HOXC10: variants seen among roughly 807,000 people sequenced by gnomAD.
HOXC10 encodes the protein homeobox protein Hox-C10.
A neutral mutation model predicts 26.0 loss-of-function variants in HOXC10; 15 were observed. The ratio of observed to expected loss-of-function variants is 0.58; its 90% CI spans 0.39 to 0.89. The LOEUF is 0.89. Among genes scored for constraint, HOXC10 ranks in the 40% least tolerant of loss-of-function variants. The pLI is 0.00. For missense variants in HOXC10, 446 were observed against 451.9 expected (o/e 0.99, Z 0.12); for synonymous variants, 196 against 185.5 (o/e 1.06, Z -0.46).
intron 1 of HOXC10, among the ~76,000 whole-genome samples, chr12:53,988,691 C>CA (rs552262577): frequency 1.1e-4 from 17 of 152,256 alleles, no homozygotes; most frequent in Non-Finnish European, 2.5e-4. Flanking sequence ...GATCCTGGAA[C>CA]AAAGTCCCTC....
Position 53,989,369 on chromosome 12 carries a change from A to G in HOXC10, c.952A>G (p.Asn318Asp). 4 of 1,614,150 alleles carry G rather than the reference A, an allele frequency of 2.5e-6. No individual in the cohort carries two copies. Among genetic ancestry groups the G allele is most frequent in the Non-Finnish European group, 3.4e-6 (4 of 1,180,030 alleles). ...CAGACAAGTCAAAATCTGGTTTCAA[A>G]ATCGCAGAATGAAACTCAAGAAAAT... ...TDRQVKIWFQ[N>D]RRMKLKKMNR... Residue 318 changes from asparagine to aspartate, a missense_variant, in exon 2 of 2, where the codon AAT (asparagine) becomes GAT (aspartate). Coordinates refer to ENST00000303460, the MANE Select transcript of HOXC10 (RefSeq NM_017409.4).
At chr12:53,986,942 G>A (rs1177679182) in intron 1 of HOXC10, among the ~76,000 whole-genome samples, 1 of 152,172 alleles carries the variant, frequency 6.6e-6, no homozygotes, top group Non-Finnish European at 1.5e-5. Context: ...GGGGCCTTCG[G>A]GATCTTTCTC....
intron 1 of HOXC10, among the ~76,000 whole-genome samples, chr12:53,987,529 G>A (rs149142076): frequency 6.6e-6 from 1 of 152,304 alleles, no homozygotes; most frequent in Non-Finnish European, 1.5e-5. Context: ...AGCTTGGTTA[G>A]GGAGCAGATT....
rs948020293 is a variant in HOXC10 at position 53,985,234 on chromosome 12, C to T, written c.-26C>T. The T allele has an allele frequency of 7.6e-6, 10 of 1,319,126 alleles. No homozygotes were observed. Among genetic ancestry groups the T allele is most frequent in the African/African-American group, 3.1e-5 (2 of 64,464 alleles). 81.7% of individuals were successfully genotyped at this position (1,319,126 alleles called of 1,614,324 possible). On this transcript the variant is annotated 5_prime_UTR_variant, in exon 1 of 2. Transcript: ENST00000303460. ...TGTCAGCTCCTCCGCTGTAGTATTG[C>T]TCCTTAAAAACCCCTCTCTCTGAAA...
rs1939485021 is a variant in HOXC10, at chr12:53,989,500, C to T, written c.*54C>T. On this transcript the variant is annotated 3_prime_UTR_variant, in exon 2 of 2. Coordinates refer to ENST00000303460, the MANE Select transcript of HOXC10 (RefSeq NM_017409.4). ...CTCCTTCCTCTCCCCGCCCCTCCTC[C>T]CTTTGTGCCTGGTGATATATTTTTT... The T allele has an allele frequency of 5.9e-6, 9 of 1,527,324 alleles. No homozygotes were observed. In the East Asian group the frequency reaches 2.1e-4, roughly 35 times the overall value. The allele number at this position is 1,527,324 out of a possible 1,614,324, so 94.6% of individuals were successfully genotyped here.
chr12:53,985,639 C>A lies in HOXC10; in HGVS notation c.380C>A (p.Ala127Asp), dbSNP rs1369642491. The A allele has an allele frequency of 6.2e-7, 1 of 1,613,730 alleles. No individual in the cohort carries two copies. The highest frequency in any genetic ancestry group is 1.7e-5 in the Admixed American group (1 of 60,036). Residue 127 changes from alanine to aspartate, a missense_variant, in exon 1 of 2, where the codon GCT (alanine) becomes GAT (aspartate). Coordinates refer to ENST00000303460, the MANE Select transcript of HOXC10 (RefSeq NM_017409.4). ...CGGGCGAAAAGTGGCCCCGAGGCAGCTCTCTACTCCCACCCCTTGCCGGAG... is the reference window on the plus strand; with the variant it reads ...CGGGCGAAAAGTGGCCCCGAGGCAGATCTCTACTCCCACCCCTTGCCGGAG... Reference protein sequence around the residue: ...EKRAKSGPEAALYSHPLPESC... With the variant: ...EKRAKSGPEADLYSHPLPESC...
rs750436134 is a variant in HOXC10 at position 53,989,453 on chromosome 12, G to A, written c.*7G>A. On this transcript the variant is annotated 3_prime_UTR_variant, in exon 2 of 2. Coordinates refer to ENST00000303460, the MANE Select transcript of HOXC10 (RefSeq NM_017409.4). Reference sequence around the variant, plus strand: ...CAATTTTAATTTCACCTGAGAGCGCGGCCTCTCCTCCTCCCTTCCCGCTCC... The same window carrying A: ...CAATTTTAATTTCACCTGAGAGCGCAGCCTCTCCTCCTCCCTTCCCGCTCC... The A allele has an allele frequency of 1.2e-5, 19 of 1,608,206 alleles. No homozygotes were observed. The highest frequency in any genetic ancestry group is 1.7e-4 in the Middle Eastern group (1 of 6,044).
Position 53,985,197 on chromosome 12 carries a change from G to GAA in HOXC10, c.-55_-54dup. On this transcript the variant is annotated 5_prime_UTR_variant, in exon 1 of 2. The change creates a premature stop within an existing upstream ORF in the 5' untranslated region. Coordinates refer to ENST00000303460, the MANE Select transcript of HOXC10 (RefSeq NM_017409.4). ...AACCGCGCCCCCCCTCCCGGATGGG[G>GAA]AAAAAAAAAGATGTCAGCTCCTCCG... is the stretch of plus-strand genomic sequence containing the variant. 7.8e-7 allele frequency: 1 copy of GAA among 1,280,390 alleles called. No homozygotes were observed. Among genetic ancestry groups the GAA allele is most frequent in the Non-Finnish European group, 1.0e-6 (1 of 989,298 alleles). 79.3% of individuals were successfully genotyped at this position (1,280,390 alleles called of 1,614,324 possible).
At chr12:53,986,282 G>C (rs755309792) in intron 1 of HOXC10, 2 of 404,012 alleles carry the variant, frequency 5.0e-6, no homozygotes, top group Non-Finnish European at 8.8e-6. Flanking sequence ...TGCAGGCGCA[G>C]TGTGCTGCAC....
In HOXC10 at chr12:53,985,652, C is replaced by T. The variant is rs776576505; in HGVS notation, c.393C>T (p.His131=). The part of the protein sequence containing the change: ...KSGPEAALYS[H]PLPESCLGEH... Reference sequence around the variant, plus strand: ...GCCCCGAGGCAGCTCTCTACTCCCACCCCTTGCCGGAGTCCTGCCTTGGGG... The same window carrying T: ...GCCCCGAGGCAGCTCTCTACTCCCATCCCTTGCCGGAGTCCTGCCTTGGGG... The change falls in exon 1 of 2, where the codon CAC becomes CAT. Residue 131 remains histidine, a synonymous_variant. Coordinates refer to ENST00000303460, the MANE Select transcript of HOXC10 (RefSeq NM_017409.4). 2 of 1,613,466 alleles carry T rather than the reference C, an allele frequency of 1.2e-6. No individual in the cohort carries two copies. The highest frequency in any genetic ancestry group is 2.7e-5 in the African/African-American group (2 of 74,944).
chr12:53,989,667 T>G lies in HOXC10; in HGVS notation c.*221T>G, dbSNP rs1469709562. ...TGGGGTGCCGGGATGTGGGGTGTGG[T>G]GTGTGCCCTCATAGATGGGGGTGGG... On this transcript the variant is annotated 3_prime_UTR_variant, in exon 2 of 2. Transcript: ENST00000303460. 1.9e-5 allele frequency: 11 copies of G among 577,218 alleles called. No homozygotes were observed. The highest frequency in any genetic ancestry group is 1.1e-4 in the African/African-American group (6 of 53,382). The allele number at this position is 577,218 out of a possible 1,614,324, so 35.8% of individuals were successfully genotyped here.
intron 1 of HOXC10, 76 bp downstream of exon 1, chr12:53,986,086 G>GA: frequency 6.9e-7 from 1 of 1,447,226 alleles, no homozygotes; most frequent in African/African-American, 1.4e-5. Context: ...GGGGGCAGGG[G>GA]AGAGGGTTGG....
rs1592200590 is a variant in HOXC10, at chr12:53,985,190, G to C, written c.-70G>C. ...CCCCTCCAACCGCGCCCCCCCTCCC[G>C]GATGGGGAAAAAAAAAGATGTCAGC... On this transcript the variant is annotated 5_prime_UTR_variant, in exon 1 of 2. Coordinates refer to ENST00000303460, the MANE Select transcript of HOXC10 (RefSeq NM_017409.4). The C allele has an allele frequency of 2.2e-5, 19 of 875,682 alleles. No homozygotes were observed. Among genetic ancestry groups the C allele is most frequent in the South Asian group, 1.3e-4 (3 of 23,528 alleles). The allele number at this position is 875,682 out of a possible 1,614,324, so 54.2% of individuals were successfully genotyped here.
At chr12:53,986,033 C>T (rs1490365851) in intron 1 of HOXC10, 23 bp downstream of exon 1, 15 of 1,531,736 alleles carry the variant, frequency 9.8e-6, no homozygotes, top group Non-Finnish European at 1.3e-5. Flanking sequence ...GGGCCGCGGG[C>T]GCCACTGGGA....
chr12:53,989,365 T>A lies in HOXC10; in HGVS notation c.948T>A (p.Phe316Leu). ...CAGACAGACAAGTCAAAATCTGGTT[T>A]CAAAATCGCAGAATGAAACTCAAGA... ...NLTDRQVKIWFQNRRMKLKKM... is the reference protein window; with the variant it reads ...NLTDRQVKIWLQNRRMKLKKM... The change falls in exon 2 of 2, where the codon TTT (phenylalanine) becomes TTA (leucine). Residue 316 changes from phenylalanine to leucine, a missense_variant. Physicochemically the swap from Phe to Leu is conservative, Grantham distance 22. Coordinates refer to ENST00000303460, the MANE Select transcript of HOXC10 (RefSeq NM_017409.4). 6.2e-7 allele frequency: 1 copy of A among 1,614,094 alleles called. No individual in the cohort carries two copies. The highest frequency in any genetic ancestry group is 8.5e-7 in the Non-Finnish European group (1 of 1,180,026).
chr12:53,985,778 T>C lies in HOXC10; in HGVS notation c.519T>C (p.Pro173=). The C allele has an allele frequency of 6.2e-7, 1 of 1,613,718 alleles. No homozygotes were observed. The highest frequency in any genetic ancestry group is 8.5e-7 in the Non-Finnish European group (1 of 1,179,980). Residue 173 remains proline (P), a synonymous_variant, in exon 1 of 2, where the codon CCT becomes CCC. Coordinates refer to ENST00000303460, the MANE Select transcript of HOXC10 (RefSeq NM_017409.4). ...CTGGGGCCAACGACTTCGAAGCCCC[T>C]TTCGAGCAGCGGGCCAGTCTCAACC... ...HCSGANDFEA[P]FEQRASLNPR...
rs796958778 is a variant in HOXC10, at chr12:53,990,140, G to GT, written c.*694_*695insT. 1.1e-4 allele frequency: 15 copies of GT among 138,714 alleles called. No individual in the cohort carries two copies. The highest frequency in any genetic ancestry group is 4.5e-4 in the African/African-American group (15 of 33,680). The allele number at this position is 138,714 out of a possible 1,614,324, so 8.6% of individuals were successfully genotyped here. ...GAACATAGCAAAGCAAAGACAGAAT[G>GT]CCCCCCCCCCCAAATATTGTCCTGT... On this transcript the variant is annotated 3_prime_UTR_variant, in exon 2 of 2. Transcript: ENST00000303460.
chr12:53,988,113 C>T (rs1433364502), intron 1 of HOXC10, among the ~76,000 whole-genome samples: 1 of 152,174 alleles, frequency 6.6e-6, no homozygotes, highest in Non-Finnish European at 1.5e-5. Flanking sequence ...TGGGTGTCCT[C>T]TCAGGTCTTT....
chr12:53,985,304 C>T lies in HOXC10; in HGVS notation c.45C>T (p.Pro15=), dbSNP rs1052556139. ...TAACTCCGAACTCGTACGCGGAGCC[C>T]TTGGCTGCGCCCGGCGGAGGAGAGC... is the stretch of plus-strand genomic sequence containing the variant. ...RNVTPNSYAE[P]LAAPGGGERY... Residue 15 remains proline (P), a synonymous_variant, in exon 1 of 2, where the codon CCC becomes CCT. Coordinates refer to ENST00000303460, the MANE Select transcript of HOXC10 (RefSeq NM_017409.4). The T allele has an allele frequency of 1.3e-6, 2 of 1,592,706 alleles. No individual in the cohort carries two copies. Among genetic ancestry groups the T allele is most frequent in the East Asian group, 2.2e-5 (1 of 44,582 alleles).
Sources: gnomAD v4.1 joint callset for allele counts (sites outside exome capture counted in the v4.1 genomes callset) on GRCh38, gnomAD v4.1.1 for gene constraint, MANE v1.5 for transcripts, NCBI Gene and HGNC (gene_info 2026-07-23, HGNC 2026-07-21) for gene names.